CACNA1C: variants seen among roughly 807,000 people sequenced by gnomAD.
The protein encoded by CACNA1C is calcium voltage-gated channel subunit alpha1 C, also known as voltage-dependent L-type calcium channel subunit alpha-1C.
In CACNA1C, 30 loss-of-function variants were observed where a neutral mutation model predicts 229.0. The ratio of observed to expected loss-of-function variants is 0.13; its 90% CI spans 0.10 to 0.18. The LOEUF is 0.18. Ranked by LOEUF, CACNA1C falls within the 10% of genes least tolerant of loss-of-function variation. The pLI is 1.00. For missense variants in CACNA1C, 1,658 were observed against 2,845.0 expected, an observed-to-expected ratio of 0.58 and a Z score of 9.49; for synonymous variants, 1,114 against 1,132.5, an observed-to-expected ratio of 0.98 and a Z score of 0.33.
intron 1 of CACNA1C, among the ~76,000 whole-genome samples, chr12:2,044,065 A>T (rs1197059415): frequency 6.6e-6 from 1 of 152,248 alleles, no homozygotes; most frequent in Non-Finnish European, 1.5e-5. Flanking sequence ...GATTAATAAT[A>T]AAATAATGGG....
intron 42 of CACNA1C, among the ~76,000 whole-genome samples, chr12:2,680,102 T>C (rs2097057164): frequency 6.6e-6 from 1 of 152,182 alleles, no homozygotes; most frequent in Non-Finnish European, 1.5e-5. Context: ...TGTTCCGGCT[T>C]CACAACAGAA....
rs2051031642 is a variant in CACNA1C at position 2,566,611 on chromosome 12, T to C, written c.1669+29T>C. ...AGCGGCGGCCCCAGCTCTGCTCTGG[T>C]TTCCTCCTGGTAACTCAGCCCCAAG... On this transcript the variant is annotated intron_variant, in intron 12 of 46. Coordinates refer to ENST00000399655, the MANE Select transcript of CACNA1C (RefSeq NM_000719.7). The surrounding 1 kb of genome is among the most constrained non-coding windows in gnomAD (Gnocchi z 4.0). 3 of 1,566,794 alleles carry C rather than the reference T, an allele frequency of 1.9e-6. No homozygotes were observed. Among genetic ancestry groups the C allele is most frequent in the Non-Finnish European group, 2.6e-6 (3 of 1,154,932 alleles).
At chr12:2,271,548 A>T (rs2084991881) in intron 3 of CACNA1C, among the ~76,000 whole-genome samples, 1 of 152,208 alleles carries the variant, frequency 6.6e-6, no homozygotes, top group Non-Finnish European at 1.5e-5. Flanking sequence ...CCTAATCTAT[A>T]AAATGGGGAT....
At chr12:2,092,092 A>T (rs985660228) in intron 1 of CACNA1C, among the ~76,000 whole-genome samples, 2 of 152,168 alleles carry the variant, frequency 1.3e-5, no homozygotes, top group African/African-American at 4.8e-5. Context: ...GCTGCCCTGA[A>T]GGGTAGAAGA....
intron 9 of CACNA1C, among the ~76,000 whole-genome samples, chr12:2,531,080 C>T (rs376147134): frequency 2.4e-4 from 36 of 152,328 alleles, no homozygotes; most frequent in South Asian, 6.2e-4. Flanking sequence ...ATATTAGGAA[C>T]GACAGCTACT....
chr12:2,168,659 T>A (rs2096348670), intron 3 of CACNA1C, among the ~76,000 whole-genome samples: 4 of 152,182 alleles, frequency 2.6e-5, no homozygotes, highest in Admixed American at 2.6e-4. Context: ...ATTTGGTCAT[T>A]TTATGTGATC....
chr12:2,521,968 C>A (rs999514839), intron 9 of CACNA1C, among the ~76,000 whole-genome samples: 5 of 152,250 alleles, frequency 3.3e-5, no homozygotes, highest in African/African-American at 9.6e-5. Flanking sequence ...ATAGCTTGAA[C>A]CTTATCACTC....
At chr12:2,447,268 T>C (rs1413772083) in intron 3 of CACNA1C, among the ~76,000 whole-genome samples, 2 of 152,164 alleles carry the variant, frequency 1.3e-5, no homozygotes, top group Non-Finnish European at 2.9e-5. Context: ...GATTTGTTTG[T>C]GGTTCACAAC....
chr12:2,224,347 A>C (rs1196001980), intron 3 of CACNA1C, among the ~76,000 whole-genome samples: 1 of 152,188 alleles, frequency 6.6e-6, no homozygotes, highest in Non-Finnish European at 1.5e-5. Context: ...TTCATTCTAG[A>C]GCTCTCTTTT....
intron 9 of CACNA1C, among the ~76,000 whole-genome samples, chr12:2,543,595 C>T (rs903302722): frequency 6.6e-6 from 1 of 152,188 alleles, no homozygotes; most frequent in Admixed American, 6.5e-5. Flanking sequence ...AATTAATAGG[C>T]ACTAATGTGT....
intron 3 of CACNA1C, among the ~76,000 whole-genome samples, chr12:2,306,227 G>A (rs1263764917): frequency 1.3e-5 from 2 of 152,250 alleles, no homozygotes; most frequent in East Asian, 3.8e-4. Context: ...GTTTGACTGT[G>A]CAGATGGTTG....
Position 2,237,163 on chromosome 12 carries a change from A to G in CACNA1C, c.477+116733A>G, listed in dbSNP as rs1346317013. 5.9e-5 allele frequency among the ~76,000 whole-genome samples: 9 copies of G among 152,326 alleles called. No homozygotes were observed. In the East Asian group the frequency reaches 1.5e-3, roughly 26 times the overall value. ...TTATCACATGGTGCCCTTGGGGGGA[A>G]ATCTTAATTCCAATGTGTGAAACCA... is the stretch of plus-strand genomic sequence containing the variant. On this transcript the variant is annotated intron_variant, in intron 3 of 46. Coordinates refer to ENST00000399655, the MANE Select transcript of CACNA1C (RefSeq NM_000719.7).
At position 2,457,610 on chromosome 12, in the gene CACNA1C, G is replaced by A. The variant is rs1414662102; in HGVS notation, c.661G>A (p.Ala221Thr). 6.2e-7 allele frequency: 1 copy of A among 1,613,236 alleles called. No homozygotes were observed. Among genetic ancestry groups the A allele is most frequent in the Non-Finnish European group, 8.5e-7 (1 of 1,179,518 alleles). The change falls in exon 5 of 47, where the codon GCA becomes ACA. Residue 221 changes from alanine to threonine, a missense_variant. By Grantham distance (58) the Ala-to-Thr change is moderately conservative (BLOSUM62 0). Transcript: ENST00000399655. ...ILEQATKADG[A>T]NALGGKGAGF... ...AGAACAAGCAACCAAAGCAGATGGGGCAAACGCTCTCGGAGGGAAAGGGGC... is the reference window on the plus strand; with the variant it reads ...AGAACAAGCAACCAAAGCAGATGGGACAAACGCTCTCGGAGGGAAAGGGGC...
chr12:2,364,689 G>A (rs991627796), intron 3 of CACNA1C, among the ~76,000 whole-genome samples: 11 of 152,126 alleles, frequency 7.2e-5, no homozygotes, highest in South Asian at 2.1e-4. Context: ...GCTCACTTCC[G>A]AGAAAGAGGA....
At chr12:2,404,796 G>C (rs1595394565) in intron 3 of CACNA1C, among the ~76,000 whole-genome samples, 1 of 150,574 alleles carries the variant, frequency 6.6e-6, no homozygotes, top group East Asian at 1.9e-4. Flanking sequence ...AAAGTTTGTG[G>C]CTGGATTTTT....
At chr12:2,419,135 T>C (rs2098947989) in intron 3 of CACNA1C, among the ~76,000 whole-genome samples, 1 of 152,338 alleles carries the variant, frequency 6.6e-6, no homozygotes, top group Admixed American at 6.5e-5. Flanking sequence ...GTTGCGTTGC[T>C]GTAGAGAAAT....
chr12:2,108,046 C>T lies in CACNA1C; in HGVS notation c.50-7178C>T, dbSNP rs1292161934. Among the ~76,000 whole-genome samples, 3 of 152,202 alleles carry T rather than the reference C, an allele frequency of 2.0e-5. No homozygotes were observed. Among genetic ancestry groups the T allele is most frequent in the African/African-American group, 4.8e-5 (2 of 41,446 alleles). ...CTACATTTCAGGTGCTCAGGAGCTG[C>T]GTATGACTGGTAGCAAGGGCTCCGT... On this transcript the variant is annotated intron_variant, in intron 1 of 46. Transcript: ENST00000399655. The surrounding 1 kb of genome is among the most constrained non-coding windows in gnomAD (Gnocchi z 5.3).
intron 3 of CACNA1C, among the ~76,000 whole-genome samples, chr12:2,373,653 A>T (rs913700496): frequency 6.6e-6 from 1 of 152,200 alleles, no homozygotes; most frequent in African/African-American, 2.4e-5. Flanking sequence ...AGTGATAGAT[A>T]TGGGAACCAT....
intron 9 of CACNA1C, among the ~76,000 whole-genome samples, chr12:2,537,368 C>G (rs962889767): frequency 3.9e-5 from 6 of 152,220 alleles, no homozygotes; most frequent in African/African-American, 1.4e-4. Flanking sequence ...ATGGGGACAT[C>G]TAATGCCTCC....
Sources: allele counts gnomAD v4.1 joint callset (sites outside exome capture counted in the v4.1 genomes callset), GRCh38; gene constraint gnomAD v4.1.1; non-coding constraint Gnocchi (gnomAD v3.1); transcripts MANE v1.5; gene names NCBI Gene and HGNC (gene_info 2026-07-23, HGNC 2026-07-21).